Variants in MBNL3 observed in about 807,000 individuals in gnomAD.
The protein encoded by MBNL3 is muscleblind-like protein 3.
Under a neutral mutation model 24.5 loss-of-function variants are expected in MBNL3, and 6 were observed. The observed-to-expected ratio is 0.25, with a 90% CI of 0.13 to 0.48. The LOEUF (loss-of-function observed/expected upper bound fraction) is 0.48, where lower values mean the gene tolerates loss of function less well. Among genes scored for constraint, MBNL3 ranks in the 20% least tolerant of loss-of-function variants. The probability of loss-of-function intolerance (pLI) is 0.99; values close to 1 mark genes in which losing one functional copy is unlikely to be tolerated. For synonymous variants in MBNL3, 100 were observed against 101.7 expected, an observed-to-expected ratio of 0.98 and a Z score of 0.10; for missense variants, 230 against 293.5, an observed-to-expected ratio of 0.78 and a Z score of 1.58.
At chrX:132,484,958 CAT>C (rs1381856078) in intron 1 of MBNL3, among the ~76,000 whole-genome samples, 2 of 109,754 alleles carry the variant, frequency 1.8e-5, no homozygotes, top group African/African-American at 3.3e-5. Context: ...CACACACACA[CAT>C]TTAAATCAAG....
intron 2 of MBNL3, among the ~76,000 whole-genome samples, chrX:132,419,346 G>T (rs1290848809): frequency 1.8e-5 from 2 of 111,444 alleles, no homozygotes; most frequent in Non-Finnish European, 3.8e-5. Flanking sequence ...GGTGGTCTGT[G>T]AACTTCATGA....
intron 3 of MBNL3, among the ~76,000 whole-genome samples, chrX:132,401,470 G>T (rs748128886): frequency 4.1e-4 from 45 of 109,315 alleles, no homozygotes; most frequent in African/African-American, 1.4e-3. Context: ...ACATTACTGT[G>T]CATGGTGATG....
At chrX:132,380,709 C>G (rs1934746726) in intron 8 of MBNL3, among the ~76,000 whole-genome samples, 1 of 110,595 alleles carries the variant, frequency 9.0e-6, no homozygotes, top group African/African-American at 3.3e-5. Flanking sequence ...TAGTAAGTCC[C>G]TAGAATTAAT....
intron 1 of MBNL3, among the ~76,000 whole-genome samples, chrX:132,463,806 C>A (rs996116658): frequency 4.5e-5 from 5 of 112,283 alleles, no homozygotes; most frequent in Non-Finnish European, 7.5e-5. Context: ...AATTGCATAG[C>A]AATTCCTATC....
intron 1 of MBNL3, among the ~76,000 whole-genome samples, chrX:132,443,766 A>C (rs1409645978): frequency 2.7e-5 from 3 of 111,486 alleles, no homozygotes; most frequent in African/African-American, 9.8e-5. Flanking sequence ...GCACACTCAA[A>C]CACTACTGCA....
rs182620402 is a variant in MBNL3, at chrX:132,394,152, G to T, written c.343-1818C>A. ...CAAGAGCCTTAAGTGGAAAGGGAAC[G>T]CCAGGTGCCAGGAAAGATGATGGTG... On this transcript the variant is annotated intron_variant, in intron 3 of 8. Coordinates refer to ENST00000370853, the MANE Select transcript of MBNL3 (RefSeq NM_001386889.1). Among the ~76,000 whole-genome samples, 3 of 111,425 alleles carry T rather than the reference G, an allele frequency of 2.7e-5. No homozygotes were observed. The East Asian group carries it at 8.5e-4, about 32-fold the overall frequency.
intron 1 of MBNL3, among the ~76,000 whole-genome samples, chrX:132,465,881 T>G (rs1245351357): frequency 8.9e-6 from 1 of 111,904 alleles, no homozygotes; most frequent in Non-Finnish European, 1.9e-5. Context: ...TCTATGAGTT[T>G]GGAAGTATTT....
intron 2 of MBNL3, chrX:132,431,030 A>G (rs1013389513): frequency 8.9e-6 from 1 of 111,943 alleles, no homozygotes; most frequent in African/African-American, 3.3e-5. Flanking sequence ...CGGCCTCCCA[A>G]AGTGCTGGGA....
chrX:132,413,150 G>A (rs907409891), intron 2 of MBNL3, among the ~76,000 whole-genome samples: 1 of 111,624 alleles, frequency 9.0e-6, no homozygotes. Flanking sequence ...CCTGCTCCTA[G>A]GCTTCTTTAC....
chrX:132,383,544 G>C (rs1307641643), intron 7 of MBNL3, among the ~76,000 whole-genome samples: 2 of 112,423 alleles, frequency 1.8e-5, no homozygotes, highest in Non-Finnish European at 3.8e-5. Context: ...CAAACTTGCA[G>C]AAGTCTGTTC....
intron 5 of MBNL3, among the ~76,000 whole-genome samples, chrX:132,389,197 A>G (rs368598079): frequency 8.9e-6 from 1 of 112,444 alleles, no homozygotes; most frequent in East Asian, 2.8e-4. Flanking sequence ...AACATTCATT[A>G]ACAGATTATG....
chrX:132,387,102 A>G (rs753097120), intron 5 of MBNL3, among the ~76,000 whole-genome samples: 4 of 108,347 alleles, frequency 3.7e-5, no homozygotes, highest in South Asian at 8.2e-4. Flanking sequence ...GCAAAACCCC[A>G]TCTCTGAAAA....
At chrX:132,396,405 C>CATATATATTCCTAT (rs1420917938) in intron 3 of MBNL3, among the ~76,000 whole-genome samples, 2 of 76,983 alleles carry the variant, frequency 2.6e-5, no homozygotes, top group South Asian at 5.9e-4. Context: ...TATATATATT[C>CATATATATTCCTAT]ATATATATTC....
At chrX:132,478,465 T>C (rs1232214748) in intron 1 of MBNL3, among the ~76,000 whole-genome samples, 1 of 111,853 alleles carries the variant, frequency 8.9e-6, no homozygotes, top group Non-Finnish European at 1.9e-5. Flanking sequence ...TCAGCATCCC[T>C]TGACCATCTT....
rs1034445555 is a variant in MBNL3, at chrX:132,369,435, G to T, written c.*10231C>A. Reference sequence around the variant, plus strand: ...ACATGGATCCAATTATCTCATAACTGCCATTTTTTCCAACAAAGAGTCATT... The same window carrying T: ...ACATGGATCCAATTATCTCATAACTTCCATTTTTTCCAACAAAGAGTCATT... On this transcript the variant is annotated 3_prime_UTR_variant, in exon 9 of 9. Coordinates refer to ENST00000370853, the MANE Select transcript of MBNL3 (RefSeq NM_001386889.1). 9.0e-6 allele frequency: 1 copy of T among 111,585 alleles called. No individual in the cohort carries two copies. The highest frequency in any genetic ancestry group is 1.9e-5 in the Non-Finnish European group (1 of 53,073). The allele number at this position is 111,585 out of a possible 1,213,427, so 9.2% of individuals were successfully genotyped here.
chrX:132,475,134 C>A (rs1480204951), intron 1 of MBNL3, among the ~76,000 whole-genome samples: 4 of 111,717 alleles, frequency 3.6e-5, no homozygotes, highest in Non-Finnish European at 7.5e-5. Flanking sequence ...CAAGTTTAAT[C>A]CAATTTTGTT....
intron 2 of MBNL3, 44 bp from the exon 3 acceptor site, chrX:132,406,436 C>T: frequency 1.8e-6 from 2 of 1,098,882 alleles, no homozygotes; most frequent in Non-Finnish European, 1.2e-6. Flanking sequence ...AAACTATACA[C>T]AAATAGATAA....
In MBNL3 at chrX:132,391,130, G is replaced by A. The variant is rs368352572; in HGVS notation, c.535-47C>T. The A allele has an allele frequency of 1.6e-4, 156 of 978,017 alleles. 1 individual carries two copies. In the African/African-American group the frequency reaches 1.8e-3, roughly 11 times the overall value. The allele number at this position is 978,017 out of a possible 1,213,427, so 80.6% of individuals were successfully genotyped here. A position where few individuals can be genotyped will look rare whatever the true frequency, so the allele number is the denominator to read the frequency against. On this transcript the variant is annotated intron_variant, in intron 4 of 8. Coordinates refer to ENST00000370853, the MANE Select transcript of MBNL3 (RefSeq NM_001386889.1). ...TACACACGCATCACACTGATGACTGGAAGCTGACTGGCTTTTATTTATTTT... is the reference window on the plus strand; with the variant it reads ...TACACACGCATCACACTGATGACTGAAAGCTGACTGGCTTTTATTTATTTT...
chrX:132,435,082 T>C (rs1237381204), intron 2 of MBNL3, among the ~76,000 whole-genome samples: 1 of 111,578 alleles, frequency 9.0e-6, no homozygotes, highest in Non-Finnish European at 1.9e-5. Context: ...GGCTGAACTA[T>C]CAATATGTAT....
Sources: allele counts gnomAD v4.1 joint callset (sites outside exome capture counted in the v4.1 genomes callset), GRCh38; gene constraint gnomAD v4.1.1; transcripts MANE v1.5; gene names NCBI Gene and HGNC (gene_info 2026-07-23, HGNC 2026-07-21).